ATRNL1: variants seen among roughly 807,000 people sequenced by gnomAD.
ATRNL1 encodes the protein attractin-like protein 1.
A neutral mutation model predicts 182.7 loss-of-function variants in ATRNL1; 95 were observed. That is an observed-to-expected ratio of 0.52 (90% CI 0.44 to 0.62). The LOEUF is 0.62. Among genes scored for constraint, ATRNL1 ranks in the 20% least tolerant of loss-of-function variants. The pLI, the probability that ATRNL1 is intolerant of heterozygous loss-of-function variation, is 0.00. For synonymous variants in ATRNL1, 576 were observed against 568.3 expected, an observed-to-expected ratio of 1.01 and a Z score of -0.19; for missense variants, 1,471 against 1,679.5, an observed-to-expected ratio of 0.88 and a Z score of 2.17.
At chr10:115,764,003 GT>G (rs1555074324) in intron 27 of ATRNL1, among the ~76,000 whole-genome samples, 1 of 152,038 alleles carries the variant, frequency 6.6e-6, no homozygotes, top group Non-Finnish European at 1.5e-5. Context: ...GGCAATCACT[GT>G]TTTCGGGATT....
At chr10:115,755,582 T>A (rs371435293) in intron 27 of ATRNL1, among the ~76,000 whole-genome samples, 13 of 152,348 alleles carry the variant, frequency 8.5e-5, no homozygotes, top group African/African-American at 2.9e-4. Flanking sequence ...AGTATTTTAC[T>A]GAGGATTTTT....
At chr10:115,411,022 C>T (rs1276999531) in intron 20 of ATRNL1, among the ~76,000 whole-genome samples, 2 of 152,130 alleles carry the variant, frequency 1.3e-5, no homozygotes, top group East Asian at 3.9e-4. Context: ...AGGCATGAGT[C>T]ATCATGCTTG....
At chr10:115,337,025 T>C (rs1288371055) in intron 19 of ATRNL1, among the ~76,000 whole-genome samples, 1 of 151,524 alleles carries the variant, frequency 6.6e-6, no homozygotes, top group African/African-American at 2.4e-5. Flanking sequence ...AGCTAATTTT[T>C]TTTTTTTTTG....
chr10:115,255,756 A>G (rs1851097351), intron 10 of ATRNL1, among the ~76,000 whole-genome samples: 2 of 152,218 alleles, frequency 1.3e-5, no homozygotes, highest in African/African-American at 2.4e-5. Flanking sequence ...CCCATTCAGT[A>G]TGATACTGGC....
chr10:115,437,111 T>C (rs1460493910), intron 21 of ATRNL1, among the ~76,000 whole-genome samples: 2 of 151,876 alleles, frequency 1.3e-5, no homozygotes, highest in African/African-American at 4.8e-5. Flanking sequence ...TGAGGGTAGA[T>C]AGGAAGAAGT....
intron 8 of ATRNL1, among the ~76,000 whole-genome samples, chr10:115,177,895 G>GT (rs1451534197): frequency 3.5e-4 from 34 of 96,514 alleles, no homozygotes; most frequent in South Asian, 2.7e-3. Flanking sequence ...TTTTGGTTTT[G>GT]TTTTTTTGTT....
chr10:115,211,812 C>T (rs1420215559), intron 8 of ATRNL1, among the ~76,000 whole-genome samples: 2 of 144,938 alleles, frequency 1.4e-5, no homozygotes, highest in Non-Finnish European at 3.0e-5. Flanking sequence ...CTTCCTGTGT[C>T]TATGTGTTCT....
At chr10:115,207,081 T>C (rs1848826943) in intron 8 of ATRNL1, among the ~76,000 whole-genome samples, 1 of 152,186 alleles carries the variant, frequency 6.6e-6, no homozygotes, top group Non-Finnish European at 1.5e-5. Flanking sequence ...CTTAATCCAG[T>C]CTATCATTGA....
intron 8 of ATRNL1, among the ~76,000 whole-genome samples, chr10:115,209,719 C>A (rs1268612898): frequency 6.6e-6 from 1 of 151,704 alleles, no homozygotes; most frequent in African/African-American, 2.4e-5. Flanking sequence ...AGGATAAGAA[C>A]ATATGTTTTC....
chr10:115,722,023 T>C (rs577629725), intron 26 of ATRNL1, among the ~76,000 whole-genome samples: 1 of 152,250 alleles, frequency 6.6e-6, no homozygotes, highest in East Asian at 1.9e-4. Context: ...TTTTATGGAA[T>C]CTCGCATTAT....
chr10:115,499,194 A>T (rs1440881809), intron 24 of ATRNL1, among the ~76,000 whole-genome samples: 1 of 152,178 alleles, frequency 6.6e-6, no homozygotes, highest in Non-Finnish European at 1.5e-5. Context: ...TCTAACATTT[A>T]TAACAATATT....
chr10:115,205,961 C>T (rs1554893629), intron 8 of ATRNL1, among the ~76,000 whole-genome samples: 1 of 152,084 alleles, frequency 6.6e-6, no homozygotes, highest in Non-Finnish European at 1.5e-5. Context: ...CTTCATATCC[C>T]TTCATCTGAA....
chr10:115,420,063 G>C (rs954239997), intron 20 of ATRNL1, among the ~76,000 whole-genome samples: 1 of 115,988 alleles, frequency 8.6e-6, no homozygotes, highest in African/African-American at 3.2e-5. Context: ...TTTTTTTTGA[G>C]ACAGAGTCTC....
At chr10:115,180,636 C>T (rs566793267) in intron 8 of ATRNL1, among the ~76,000 whole-genome samples, 1 of 151,942 alleles carries the variant, frequency 6.6e-6, no homozygotes, top group Admixed American at 6.6e-5. Context: ...AGAGATTAGA[C>T]TAGTATCAGA....
intron 10 of ATRNL1, among the ~76,000 whole-genome samples, chr10:115,244,217 A>G (rs1438297569): frequency 1.3e-5 from 2 of 151,998 alleles, no homozygotes; most frequent in Non-Finnish European, 2.9e-5. Flanking sequence ...GTTATATGAT[A>G]TTTAAACAGG....
At chr10:115,411,137 CTTATT>C (rs1845119304) in intron 20 of ATRNL1, among the ~76,000 whole-genome samples, 1 of 151,604 alleles carries the variant, frequency 6.6e-6, no homozygotes, top group South Asian at 2.1e-4. Flanking sequence ...TTACATGCCC[CTTATT>C]TTAGTCTCTG....
intron 18 of ATRNL1, among the ~76,000 whole-genome samples, chr10:115,319,544 C>T (rs950170791): frequency 6.6e-6 from 1 of 152,128 alleles, no homozygotes. Context: ...TCTCTACAAA[C>T]TTGTTTTATG....
chr10:115,245,805 C>A (rs1301405939), intron 10 of ATRNL1, among the ~76,000 whole-genome samples: 1 of 152,014 alleles, frequency 6.6e-6, no homozygotes, highest in Non-Finnish European at 1.5e-5. Flanking sequence ...CTATGCACTT[C>A]GTTAAATTCT....
chr10:115,274,051 G>A (rs11498596), intron 13 of ATRNL1, among the ~76,000 whole-genome samples: 50,865 of 152,004 alleles, frequency 0.33, 9,326 homozygotes, highest in East Asian at 0.7. Flanking sequence ...CTAAAGGATA[G>A]TAGTTATCTG....
Sources: allele counts gnomAD v4.1 joint callset (sites outside exome capture counted in the v4.1 genomes callset), GRCh38; gene constraint gnomAD v4.1.1; transcripts MANE v1.5; gene names NCBI Gene and HGNC (gene_info 2026-07-23, HGNC 2026-07-21).